CNTNAP5: variants seen among roughly 807,000 people sequenced by gnomAD.
CNTNAP5 encodes contactin associated protein family member 5.
CNTNAP5 carries 72 observed loss-of-function variants against 150.2 expected under a neutral mutation model. The ratio of observed to expected loss-of-function variants is 0.48; its 90% CI spans 0.40 to 0.58. The LOEUF (loss-of-function observed/expected upper bound fraction) is 0.58. Ranked by LOEUF, CNTNAP5 falls within the 20% of genes least tolerant of loss-of-function variation. The probability of loss-of-function intolerance (pLI) is 0.00; values close to 1 mark genes in which losing one functional copy is unlikely to be tolerated. For synonymous variants in CNTNAP5, 672 were observed against 619.8 expected (o/e 1.08, Z -1.25); for missense variants, 1,636 against 1,626.2 (o/e 1.01, Z -0.10).
Position 124,538,347 on chromosome 2 carries a change from G to T in CNTNAP5, c.1649+10891G>T, listed in dbSNP as rs144799978. ...ACAAAAATTATCCAGGCATGGTGGC[G>T]CACGCCTATAATCCCAGCTGATGGG... On this transcript the variant is annotated intron_variant, in intron 10 of 23. Coordinates refer to ENST00000682447, the MANE Select transcript of CNTNAP5 (RefSeq NM_001367498.1). 4.3e-4 allele frequency among the ~76,000 whole-genome samples: 66 copies of T among 152,176 alleles called. 1 individual carries two copies. The highest frequency in any genetic ancestry group is 1.5e-3 in the African/African-American group (62 of 41,526).
chr2:124,196,070 GT>G (rs954289413), intron 1 of CNTNAP5, among the ~76,000 whole-genome samples: 132 of 100,306 alleles, frequency 1.3e-3, no homozygotes, highest in African/African-American at 3.3e-3. Flanking sequence ...AAAAATAGCA[GT>G]TTTTTTTTTC....
chr2:124,616,412 A>G (rs1187530456), intron 12 of CNTNAP5, among the ~76,000 whole-genome samples: 2 of 152,058 alleles, frequency 1.3e-5, no homozygotes, highest in African/African-American at 4.8e-5. Flanking sequence ...CACCTCTCTC[A>G]GCCTTTATAG....
intron 17 of CNTNAP5, among the ~76,000 whole-genome samples, chr2:124,776,187 T>C (rs1231353795): frequency 6.6e-6 from 1 of 152,184 alleles, no homozygotes; most frequent in Non-Finnish European, 1.5e-5. Flanking sequence ...TTTCAAAATA[T>C]GCGGCAATTA....
intron 21 of CNTNAP5, among the ~76,000 whole-genome samples, chr2:124,880,150 A>G (rs1186752142): frequency 1.3e-5 from 2 of 152,278 alleles, no homozygotes; most frequent in South Asian, 4.1e-4. Flanking sequence ...AGATTAACAT[A>G]ACGTAAAGCT....
intron 12 of CNTNAP5, among the ~76,000 whole-genome samples, chr2:124,641,013 C>T (rs955165683): frequency 6.6e-6 from 1 of 151,040 alleles, no homozygotes; most frequent in African/African-American, 2.4e-5. Context: ...GTAATCCCAG[C>T]TACTTGGAAG....
intron 7 of CNTNAP5, among the ~76,000 whole-genome samples, chr2:124,498,613 T>C (rs1694205149): frequency 6.6e-6 from 1 of 152,200 alleles, no homozygotes; most frequent in Admixed American, 6.5e-5. Context: ...TCTTATTTCT[T>C]TAACACGTAA....
intron 18 of CNTNAP5, among the ~76,000 whole-genome samples, chr2:124,794,540 A>G (rs1429302484): frequency 2.6e-5 from 4 of 152,260 alleles, no homozygotes; most frequent in Admixed American, 6.5e-5. Flanking sequence ...ATTTCAGTGA[A>G]AAAAATAAAA....
At chr2:124,681,880 T>C (rs1294920268) in intron 13 of CNTNAP5, among the ~76,000 whole-genome samples, 1 of 152,070 alleles carries the variant, frequency 6.6e-6, no homozygotes, top group African/African-American at 2.4e-5. Flanking sequence ...TGTTTTTTAG[T>C]TCTTGTTTTT....
intron 19 of CNTNAP5, among the ~76,000 whole-genome samples, chr2:124,857,217 G>A (rs1220874827): frequency 6.6e-6 from 1 of 151,642 alleles, no homozygotes; most frequent in Admixed American, 6.6e-5. Context: ...TTTCTTTTCT[G>A]TACTAGCCTT....
At chr2:124,224,703 G>T (rs1686413768) in intron 2 of CNTNAP5, among the ~76,000 whole-genome samples, 1 of 151,900 alleles carries the variant, frequency 6.6e-6, no homozygotes, top group Non-Finnish European at 1.5e-5. Flanking sequence ...TACATATGTG[G>T]TATACAGATA....
intron 2 of CNTNAP5, among the ~76,000 whole-genome samples, chr2:124,233,148 C>T (rs1294724643): frequency 1.3e-5 from 2 of 151,580 alleles, no homozygotes; most frequent in Non-Finnish European, 2.9e-5. Flanking sequence ...TTTAATTCAA[C>T]AATACCATCC....
rs1471116610 is a variant in CNTNAP5 at position 124,859,102 on chromosome 2, A to G, written c.3218-6204A>G. On this transcript the variant is annotated intron_variant, in intron 19 of 23. Transcript: ENST00000682447. ...GAGCTTCTGCACAGCAAAAGAAACT[A>G]CCATCAGAGTGAACAGGCAACCTAC... Among the ~76,000 whole-genome samples the G allele has an allele frequency of 1.3e-5, 2 of 152,056 alleles. 1 individual carries two copies. The highest frequency in any genetic ancestry group is 4.2e-4 in the South Asian group (2 of 4,816).
chr2:124,786,346 AG>A, intron 17 of CNTNAP5, among the ~76,000 whole-genome samples: 1 of 105,210 alleles, frequency 9.5e-6, no homozygotes, highest in African/African-American at 4.3e-5. Context: ...AAAGAAAGAA[AG>A]AAAGGAAGAA....
intron 7 of CNTNAP5, among the ~76,000 whole-genome samples, chr2:124,490,553 TA>T (rs1220318538): frequency 6.6e-6 from 1 of 152,106 alleles, no homozygotes; most frequent in Admixed American, 6.6e-5. Flanking sequence ...ATGTAAGAAG[TA>T]AAACAATTTC....
intron 13 of CNTNAP5, among the ~76,000 whole-genome samples, chr2:124,722,775 G>A (rs932465069): frequency 1.3e-5 from 2 of 152,158 alleles, no homozygotes; most frequent in African/African-American, 4.8e-5. Flanking sequence ...CGCAGTGACA[G>A]CCCTTGCAAT....
intron 13 of CNTNAP5, among the ~76,000 whole-genome samples, chr2:124,703,860 C>A (rs1183777755): frequency 6.6e-6 from 1 of 152,038 alleles, no homozygotes; most frequent in Non-Finnish European, 1.5e-5. Context: ...ATGACATCAG[C>A]CAAGTCAGTG....
intron 16 of CNTNAP5, among the ~76,000 whole-genome samples, chr2:124,764,877 A>G (rs960625826): frequency 5.3e-5 from 8 of 152,176 alleles, no homozygotes; most frequent in Admixed American, 2.0e-4. Context: ...GGGAAAAAGC[A>G]TACCTATATA....
At chr2:124,321,769 G>T (rs1294071171) in intron 3 of CNTNAP5, among the ~76,000 whole-genome samples, 1 of 152,074 alleles carries the variant, frequency 6.6e-6, no homozygotes, top group Non-Finnish European at 1.5e-5. Flanking sequence ...TATGTACTCT[G>T]GATCTTTTAA....
At chr2:124,245,593 G>GTA (rs1393015863) in intron 3 of CNTNAP5, among the ~76,000 whole-genome samples, 1 of 151,310 alleles carries the variant, frequency 6.6e-6, no homozygotes, top group Admixed American at 6.6e-5. Context: ...GTGTGTGTGT[G>GTA]TGTGTGTAAA....
Sources: gnomAD v4.1 joint callset for allele counts (sites outside exome capture counted in the v4.1 genomes callset) on GRCh38, gnomAD v4.1.1 for gene constraint, MANE v1.5 for transcripts, NCBI Gene and HGNC (gene_info 2026-07-23, HGNC 2026-07-21) for gene names.